The following ERBB4 variants were observed in gnomAD, a reference collection of about 807,000 sequenced individuals.
ERBB4 encodes the protein erb-b2 receptor tyrosine kinase 4.
Under a neutral mutation model 158.0 loss-of-function variants are expected in ERBB4, and 42 were observed. The ratio of observed to expected loss-of-function variants is 0.27; its 90% CI spans 0.21 to 0.34. The LOEUF (loss-of-function observed/expected upper bound fraction) is 0.34. ERBB4 is among the 10% of genes least tolerant of loss of function. The pLI is 1.00. For missense variants in ERBB4, 1,333 were observed against 1,624.1 expected (o/e 0.82, Z 3.08); for synonymous variants, 583 against 558.7 (o/e 1.04, Z -0.61).
intron 2 of ERBB4, among the ~76,000 whole-genome samples, chr2:212,076,856 C>T (rs1159892524): frequency 6.6e-6 from 1 of 151,740 alleles, no homozygotes; most frequent in African/African-American, 2.4e-5. Context: ...AGTAAAAATG[C>T]AAGCCACCGA....
At chr2:212,466,358 G>C (rs1278090493) in intron 1 of ERBB4, among the ~76,000 whole-genome samples, 1 of 152,150 alleles carries the variant, frequency 6.6e-6, no homozygotes, top group African/African-American at 2.4e-5. Context: ...TTGGTGATAT[G>C]GTTTGGCTCT....
Position 212,317,638 on chromosome 2 carries a change from G to A in ERBB4, c.83-192735C>T, listed in dbSNP as rs146242948. 2.9e-4 allele frequency among the ~76,000 whole-genome samples: 44 copies of A among 151,642 alleles called. No homozygotes were observed. In the East Asian group the frequency reaches 8.0e-3, roughly 28 times the overall value. ...ATTTCACAGAATTCTTAGAATTACA[G>A]AAGTTTCTAAATAAAGAGAACTTCA... is the stretch of plus-strand genomic sequence containing the variant. On this transcript the variant is annotated intron_variant, in intron 1 of 27. Transcript: ENST00000342788.
chr2:212,103,270 T>A (rs1025917632), intron 2 of ERBB4, among the ~76,000 whole-genome samples: 1 of 152,116 alleles, frequency 6.6e-6, no homozygotes, highest in African/African-American at 2.4e-5. Context: ...GTCATTTTGA[T>A]AAGTCTTCCT....
chr2:212,371,504 T>C (rs1413375426), intron 1 of ERBB4, among the ~76,000 whole-genome samples: 1 of 152,238 alleles, frequency 6.6e-6, no homozygotes, highest in Non-Finnish European at 1.5e-5. Context: ...ATGCATTTAT[T>C]ACCCACTACG....
intron 3 of ERBB4, among the ~76,000 whole-genome samples, chr2:211,859,053 A>C (rs2077946916): frequency 6.6e-6 from 1 of 152,212 alleles, no homozygotes; most frequent in African/African-American, 2.4e-5. Flanking sequence ...AAGTGCTGGG[A>C]TTACAGGCAT....
intron 2 of ERBB4, among the ~76,000 whole-genome samples, chr2:211,971,895 A>T (rs564324427): frequency 2.2e-4 from 34 of 152,280 alleles, no homozygotes; most frequent in Admixed American, 1.9e-3. Context: ...CCTCCTATTT[A>T]ATACAATATC....
Position 211,657,918 on chromosome 2 carries a change from G to A in ERBB4, c.1872-90C>T, listed in dbSNP as rs1360222448. On this transcript the variant is annotated intron_variant, in intron 15 of 27. Coordinates refer to ENST00000342788, the MANE Select transcript of ERBB4 (RefSeq NM_005235.3). ...CAGTGCTCACACATGGAGCCTTGGAGGAAGAACATGGGAAGCAAGCACACC... is the reference window on the plus strand; with the variant it reads ...CAGTGCTCACACATGGAGCCTTGGAAGAAGAACATGGGAAGCAAGCACACC... 6 of 1,609,314 alleles carry A rather than the reference G, an allele frequency of 3.7e-6. No individual in the cohort carries two copies. In the African/African-American group the frequency reaches 6.7e-5, roughly 18 times the overall value.
At chr2:212,338,307 C>A (rs1483004890) in intron 1 of ERBB4, among the ~76,000 whole-genome samples, 1 of 152,020 alleles carries the variant, frequency 6.6e-6, no homozygotes, top group Non-Finnish European at 1.5e-5. Context: ...TAAGACCCAG[C>A]ACTACTGTGG....
At chr2:211,726,429 A>G (rs1329291578) in intron 5 of ERBB4, among the ~76,000 whole-genome samples, 2 of 151,842 alleles carry the variant, frequency 1.3e-5, no homozygotes, top group African/African-American at 4.8e-5. Flanking sequence ...ACAGAACATA[A>G]CTCTTCTTCC....
intron 1 of ERBB4, among the ~76,000 whole-genome samples, chr2:212,166,306 G>C (rs1225045149): frequency 1.3e-5 from 2 of 152,058 alleles, no homozygotes; most frequent in South Asian, 4.1e-4. Flanking sequence ...TACAGATTTA[G>C]ATGAGAATAT....
intron 4 of ERBB4, among the ~76,000 whole-genome samples, chr2:211,783,083 A>T (rs2076075991): frequency 6.6e-6 from 1 of 152,152 alleles, no homozygotes; most frequent in Non-Finnish European, 1.5e-5. Flanking sequence ...GAGGTCCTTC[A>T]CATCCCTTGT....
intron 12 of ERBB4, among the ~76,000 whole-genome samples, chr2:211,692,285 ATTGTGTC>A (rs1227832347): frequency 6.6e-6 from 1 of 152,152 alleles, no homozygotes; most frequent in Non-Finnish European, 1.5e-5. Context: ...CCTGGATCCA[ATTGTGTC>A]CGAAAAGCTA....
At chr2:212,016,143 T>C (rs570430856) in intron 2 of ERBB4, among the ~76,000 whole-genome samples, 1 of 151,632 alleles carries the variant, frequency 6.6e-6, no homozygotes, top group East Asian at 1.9e-4. Context: ...ACTAGACATA[T>C]ATATATATAT....
At chr2:211,737,128 C>T (rs2106170151) in intron 5 of ERBB4, among the ~76,000 whole-genome samples, 1 of 152,252 alleles carries the variant, frequency 6.6e-6, no homozygotes, top group Non-Finnish European at 1.5e-5. Context: ...TTCATTTGTT[C>T]TCTTACTCCA....
intron 16 of ERBB4, among the ~76,000 whole-genome samples, chr2:211,634,186 A>T (rs2070266694): frequency 6.6e-6 from 1 of 152,210 alleles, no homozygotes; most frequent in Non-Finnish European, 1.5e-5. Context: ...CAGAAGAAAA[A>T]ATCATTGTCT....
rs2071272449 is a variant in ERBB4, at chr2:211,657,766, G to C, written c.1934C>G (p.Pro645Arg). Residue 645 changes from proline to arginine, a missense_variant, in exon 16 of 28, where the codon CCA (proline) becomes CGA (arginine). Around this residue, in one of 5 missense-constraint regions of ERBB4, gnomAD observed 245 missense variants for 247.5 expected, o/e 0.99. Coordinates refer to ENST00000342788, the MANE Select transcript of ERBB4 (RefSeq NM_005235.3). The part of the protein sequence containing the change: ...YYPWTGHSTL[P>R]QHARTPLIAA... ...TGGTAGATGTTACCTAGCATGTTGT[G>C]GTAAAGTGGAATGGCCCGTCCATGG... 6.2e-7 allele frequency: 1 copy of C among 1,613,168 alleles called. No homozygotes were observed. The highest frequency in any genetic ancestry group is 8.5e-7 in the Non-Finnish European group (1 of 1,179,172).
At chr2:212,422,404 A>C (rs1322666304) in intron 1 of ERBB4, among the ~76,000 whole-genome samples, 8 of 152,074 alleles carry the variant, frequency 5.3e-5, no homozygotes, top group African/African-American at 1.9e-4. Flanking sequence ...AGGTTATGGC[A>C]GGAGAACTGC....
intron 1 of ERBB4, among the ~76,000 whole-genome samples, chr2:212,222,647 C>A (rs555238753): frequency 1.3e-5 from 2 of 151,362 alleles, no homozygotes; most frequent in South Asian, 4.2e-4. Flanking sequence ...CCCACTCTTG[C>A]TCCTTTGGGT....
chr2:212,222,581 A>T, intron 1 of ERBB4, among the ~76,000 whole-genome samples: 1 of 151,230 alleles, frequency 6.6e-6, no homozygotes, highest in East Asian at 1.9e-4. Context: ...AATATACTAT[A>T]TTCGCCTGGT....
Sources: gnomAD v4.1 joint callset for allele counts (sites outside exome capture counted in the v4.1 genomes callset) on GRCh38, gnomAD v4.1.1 for gene constraint, gnomAD v4.1.1 regional missense constraint, MANE v1.5 for transcripts, NCBI Gene and HGNC (gene_info 2026-07-23, HGNC 2026-07-21) for gene names.